TMOD1: variants seen among roughly 807,000 people sequenced by gnomAD.
TMOD1 encodes tropomodulin 1.
A neutral mutation model predicts 40.6 loss-of-function variants in TMOD1; 17 were observed. The observed-to-expected ratio is 0.42, with a 90% CI of 0.29 to 0.63. TMOD1 has a LOEUF of 0.63. TMOD1 is among the 20% of genes least tolerant of loss of function. TMOD1 has a pLI of 0.22. For missense variants in TMOD1, 391 were observed against 447.6 expected (o/e 0.87, Z 1.14); for synonymous variants, 181 against 175.0 (o/e 1.03, Z -0.27).
At position 97,531,040 on chromosome 9, in the gene TMOD1, C is replaced by CT. The variant is rs1023108689; in HGVS notation, c.120+6732_120+6733insT. On this transcript the variant is annotated intron_variant, in intron 2 of 9. Transcript: ENST00000259365. The stretch of plus-strand genomic sequence containing the variant: ...TGACCTTAGGTGATCCACACCCACC[C>CT]CCCCCACCACCCCTTGGCCTCCCAA... Among the ~76,000 whole-genome samples the CT allele has an allele frequency of 1.5e-5, 2 of 135,394 alleles. 1 individual carries two copies. Among genetic ancestry groups the CT allele is most frequent in the Non-Finnish European group, 3.3e-5 (2 of 60,764 alleles). 88.8% of individuals were successfully genotyped at this position (135,394 alleles called of 152,430 possible).
At chr9:97,515,555 C>T (rs1262973330) in intron 1 of TMOD1, among the ~76,000 whole-genome samples, 3 of 152,224 alleles carry the variant, frequency 2.0e-5, no homozygotes, top group Non-Finnish European at 2.9e-5. Context: ...GCTGGGATTA[C>T]AGGCATGAGC....
At chr9:97,564,515 G>GCATGGGATCT (rs2131266499) in intron 6 of TMOD1, among the ~76,000 whole-genome samples, 2 of 152,320 alleles carry the variant, frequency 1.3e-5, no homozygotes, top group Non-Finnish European at 2.9e-5. Context: ...ACACGCTGCT[G>GCATGGGATCT]CATGGGATCT....
At chr9:97,584,044 C>G (rs1345069687) in intron 8 of TMOD1, among the ~76,000 whole-genome samples, 2 of 151,206 alleles carry the variant, frequency 1.3e-5, no homozygotes, top group African/African-American at 4.9e-5. Context: ...CTTCTGCTAG[C>G]TTTTGAATGT....
intron 8 of TMOD1, among the ~76,000 whole-genome samples, chr9:97,577,726 G>A (rs1452482670): frequency 3.3e-5 from 5 of 152,110 alleles, no homozygotes; most frequent in South Asian, 4.1e-4. Flanking sequence ...AGCCAAGATC[G>A]TGCTATGCAC....
At chr9:97,568,789 A>G in intron 7 of TMOD1, 105 bp from the exon 8 acceptor site, 1 of 1,340,142 alleles carries the variant, frequency 7.5e-7, no homozygotes, top group Non-Finnish European at 1.0e-6. Context: ...GACATGGTGG[A>G]GATCATCCTC....
chr9:97,506,416 G>A (rs996240971), intron 1 of TMOD1, among the ~76,000 whole-genome samples: 1 of 152,082 alleles, frequency 6.6e-6, no homozygotes, highest in African/African-American at 2.4e-5. Flanking sequence ...GCTGACCACC[G>A]AATGAATGAA....
At chr9:97,564,502 G>A (rs1052574283) in intron 6 of TMOD1, among the ~76,000 whole-genome samples, 1 of 152,204 alleles carries the variant, frequency 6.6e-6, no homozygotes, top group Non-Finnish European at 1.5e-5. Context: ...TCATGAGTCA[G>A]ACACACGCTG....
chr9:97,511,828 G>A (rs991301906), intron 1 of TMOD1, among the ~76,000 whole-genome samples: 4 of 131,766 alleles, frequency 3.0e-5, no homozygotes, highest in Middle Eastern at 3.8e-3. Flanking sequence ...CAAGCGATCC[G>A]CCTGCCTCTG....
At chr9:97,523,423 C>T (rs759315912) in intron 1 of TMOD1, among the ~76,000 whole-genome samples, 6 of 152,142 alleles carry the variant, frequency 3.9e-5, no homozygotes, top group Admixed American at 6.5e-5. Flanking sequence ...CCCCTGGCCA[C>T]GCCATTGGGT....
chr9:97,593,291 C>A (rs527625069), intron 9 of TMOD1, among the ~76,000 whole-genome samples: 1 of 152,092 alleles, frequency 6.6e-6, no homozygotes, highest in Non-Finnish European at 1.5e-5. Context: ...GACAAAATGG[C>A]CTTTGAAAAC....
At chr9:97,524,634 C>T (rs1829976253) in intron 2 of TMOD1, among the ~76,000 whole-genome samples, 1 of 151,850 alleles carries the variant, frequency 6.6e-6, no homozygotes, top group South Asian at 2.1e-4. Context: ...AAGGTGGAGA[C>T]CCAGGAGAGC....
chr9:97,585,448 C>T (rs1310159129), intron 8 of TMOD1, among the ~76,000 whole-genome samples: 3 of 150,658 alleles, frequency 2.0e-5, no homozygotes, highest in African/African-American at 7.3e-5. Flanking sequence ...TTTTTTCCTT[C>T]ATTTCAACTT....
At chr9:97,579,138 C>G (rs1164783293) in intron 8 of TMOD1, among the ~76,000 whole-genome samples, 5 of 152,152 alleles carry the variant, frequency 3.3e-5, no homozygotes, top group African/African-American at 4.8e-5. Flanking sequence ...GCTTTCTGAG[C>G]CCAGTCTGAA....
intron 4 of TMOD1, among the ~76,000 whole-genome samples, chr9:97,554,070 T>G (rs1261611369): frequency 6.6e-6 from 1 of 151,996 alleles, no homozygotes; most frequent in East Asian, 1.9e-4. Flanking sequence ...TCTGGCCACA[T>G]CCGGCACCTT....
chr9:97,514,242 G>T (rs1283844487), intron 1 of TMOD1, among the ~76,000 whole-genome samples: 3 of 99,966 alleles, frequency 3.0e-5, no homozygotes, highest in Non-Finnish European at 6.9e-5. Context: ...TTTTTTTTTG[G>T]GGGGGGGGTT....
At chr9:97,588,125 G>A (rs187241445) in intron 8 of TMOD1, among the ~76,000 whole-genome samples, 11 of 152,330 alleles carry the variant, frequency 7.2e-5, no homozygotes, top group Admixed American at 7.2e-4. Context: ...GAGTGGAATT[G>A]CTGGGTCATA....
chr9:97,533,452 G>A (rs1587925819), intron 2 of TMOD1, among the ~76,000 whole-genome samples: 1 of 152,186 alleles, frequency 6.6e-6, no homozygotes, highest in Non-Finnish European at 1.5e-5. Flanking sequence ...GTGCAAGTTG[G>A]ACACTTTCTC....
Position 97,601,333 on chromosome 9 carries a change from C to T in TMOD1, c.*1635C>T. ...ACTGGCCAGAAGACTGGGCAGCCAC[C>T]ATGGCAGTGCTGGATGACCTCAGTA... On this transcript the variant is annotated 3_prime_UTR_variant, in exon 10 of 10. Coordinates refer to ENST00000259365, the MANE Select transcript of TMOD1 (RefSeq NM_003275.4). 1.7e-6 allele frequency: 2 copies of T among 1,147,102 alleles called. No individual in the cohort carries two copies. Among genetic ancestry groups the T allele is most frequent in the Non-Finnish European group, 1.1e-6 (1 of 917,358 alleles). The allele number at this position is 1,147,102 out of a possible 1,614,324, so 71.1% of individuals were successfully genotyped here.
At chr9:97,552,076 G>T (rs560166780) in intron 3 of TMOD1, among the ~76,000 whole-genome samples, 38 of 152,128 alleles carry the variant, frequency 2.5e-4, no homozygotes, top group Admixed American at 2.2e-3. Flanking sequence ...AGGTTTTTTT[G>T]TGTGGAAATT....
Sources: allele counts gnomAD v4.1 joint callset (sites outside exome capture counted in the v4.1 genomes callset), GRCh38; gene constraint gnomAD v4.1.1; transcripts MANE v1.5; gene names NCBI Gene and HGNC (gene_info 2026-07-23, HGNC 2026-07-21).